CRB3: variants seen among roughly 807,000 people sequenced by gnomAD.
CRB3 encodes protein crumbs homolog 3.
Under a neutral mutation model 10.4 loss-of-function variants are expected in CRB3, and 4 were observed. That is an observed-to-expected ratio of 0.39 (90% confidence interval 0.19 to 0.88). CRB3 has a LOEUF of 0.88. Ranked by LOEUF, CRB3 falls within the 40% of genes least tolerant of loss-of-function variation. The pLI, the probability that CRB3 is intolerant of heterozygous loss-of-function variation, is 0.39. For synonymous variants in CRB3, 74 were observed against 73.4 expected, an observed-to-expected ratio of 1.01 and a Z score of -0.04; for missense variants, 154 against 160.2, an observed-to-expected ratio of 0.96 and a Z score of 0.21.
intron 3 of CRB3, 144 bp downstream of exon 3, chr19:6,465,762 C>CT: frequency 1.4e-6 from 1 of 736,984 alleles, no homozygotes. Flanking sequence ...TAGGAGAGAC[C>CT]TGAAGTCTTA....
In CRB3 at chr19:6,465,535, C is replaced by T. The variant is rs370291480; in HGVS notation, c.83-10C>T. 79 of 1,611,910 alleles carry T rather than the reference C, an allele frequency of 4.9e-5. No individual in the cohort carries two copies. Among genetic ancestry groups the T allele is most frequent in the South Asian group, 7.7e-5 (7 of 91,016 alleles). The stretch of plus-strand genomic sequence containing the variant: ...GAGACTGAGTTATTCTCTGCCTTCA[C>T]CCTCCACAGTACAGACCACTTCTGC... On this transcript the variant is annotated splice_polypyrimidine_tract_variant and intron_variant, in intron 2 of 3. Transcript: ENST00000600229.
rs1599369547 is a variant in CRB3, at chr19:6,464,943, C to G, written c.82+160C>G. 1 of 407,312 alleles carries G rather than the reference C, an allele frequency of 2.5e-6. No individual in the cohort carries two copies. The highest frequency in any genetic ancestry group is 3.6e-5 in the East Asian group (1 of 27,886). The allele number at this position is 407,312 out of a possible 1,614,324, so 25.2% of individuals were successfully genotyped here. ...GGGAGGGGTCTACAGGGTTAGGGCT[C>G]GGGGGGATTAAGATTTCTAGTTTCT... On this transcript the variant is annotated intron_variant, in intron 2 of 3. Transcript: ENST00000600229. The surrounding 1 kb of genome is among the most constrained non-coding windows in gnomAD (Gnocchi z 5.3).
Position 6,467,026 on chromosome 19 carries a change from C to T in CRB3, c.*354C>T. ...GCAGGGCTGCCTGCCCATCTAGGTC[C>T]CCTCTCCTGCATCTGTCTCCCTTCA... On this transcript the variant is annotated 3_prime_UTR_variant, in exon 4 of 4. Coordinates refer to ENST00000600229, the MANE Select transcript of CRB3 (RefSeq NM_139161.5). 1 of 1,613,178 alleles carries T rather than the reference C, an allele frequency of 6.2e-7. No individual in the cohort carries two copies. Among genetic ancestry groups the T allele is most frequent in the Non-Finnish European group, 8.5e-7 (1 of 1,179,278 alleles).
At chr19:6,465,047 A>C (rs1423000639) in intron 2 of CRB3, 2 of 337,350 alleles carry the variant, frequency 5.9e-6, no homozygotes, top group Non-Finnish European at 1.1e-5. Context: ...GGGGGCTCCT[A>C]AGTAGGACTT....
chr19:6,466,463 C>T lies in CRB3; in HGVS notation c.157-3C>T. On this transcript the variant is annotated splice_polypyrimidine_tract_variant and splice_region_variant and intron_variant, in intron 3 of 3. Coordinates refer to ENST00000600229, the MANE Select transcript of CRB3 (RefSeq NM_139161.5). The surrounding 1 kb of genome is among the most constrained non-coding windows in gnomAD (Gnocchi z 4.9). ...GTGATTCACACCTGTCCCCTCTCTG[C>T]AGCGTCCAGAAGCCATCACTGCTAT... The T allele has an allele frequency of 6.2e-7, 1 of 1,613,302 alleles. No homozygotes were observed. Among genetic ancestry groups the T allele is most frequent in the East Asian group, 2.2e-5 (1 of 44,864 alleles).
Position 6,467,078 on chromosome 19 carries a change from G to A in CRB3, c.*406G>A. ...TGCTGTGTGACCTTGGGGAAAGGCA[G>A]TGCCCTCTCTGGGCAGTCAGATCCA... is the stretch of plus-strand genomic sequence containing the variant. On this transcript the variant is annotated 3_prime_UTR_variant, in exon 4 of 4. Coordinates refer to ENST00000600229, the MANE Select transcript of CRB3 (RefSeq NM_139161.5). The A allele has an allele frequency of 6.6e-7, 1 of 1,525,354 alleles. No homozygotes were observed. The allele number at this position is 1,525,354 out of a possible 1,614,324, so 94.5% of individuals were successfully genotyped here.
Position 6,466,797 on chromosome 19 carries a change from G to A in CRB3, c.*125G>A, listed in dbSNP as rs2092797065. On this transcript the variant is annotated 3_prime_UTR_variant, in exon 4 of 4. Coordinates refer to ENST00000600229, the MANE Select transcript of CRB3 (RefSeq NM_139161.5). The surrounding 1 kb of genome is among the most constrained non-coding windows in gnomAD (Gnocchi z 4.9). ...GAGGACTTGTGGGGAGAGGCTGGGG[G>A]CACCCATGTGGTGGGCTCTGTGCAG... The A allele has an allele frequency of 6.4e-7, 1 of 1,551,626 alleles. No homozygotes were observed.
At position 6,464,706 on chromosome 19, in the gene CRB3, C is replaced by A; in HGVS notation, c.5C>A (p.Ala2Glu). The A allele has an allele frequency of 8.1e-7, 1 of 1,239,582 alleles. No individual in the cohort carries two copies. Among genetic ancestry groups the A allele is most frequent in the Non-Finnish European group, 1.0e-6 (1 of 991,130 alleles). The allele number at this position is 1,239,582 out of a possible 1,614,324, so 76.8% of individuals were successfully genotyped here. ...TGCCAACCCGCCACCCAGCCCATGG[C>A]GAACCCCGGGCTGGGGCTGCTTCTG... M[A>E]NPGLGLLLAL... Residue 2 changes from alanine to glutamate, a missense_variant, in exon 2 of 4, where the codon GCG (alanine) becomes GAG (glutamate). Coordinates refer to ENST00000600229, the MANE Select transcript of CRB3 (RefSeq NM_139161.5). This position sits in a 1 kb window ranked among gnomAD's most constrained non-coding sequence, Gnocchi z 5.3.
rs150241711 is a variant in CRB3, at chr19:6,466,715, G to A, written c.*43G>A. 1.0e-3 allele frequency: 1,651 copies of A among 1,583,648 alleles called. 12 individuals are homozygous for A. The highest frequency in any genetic ancestry group is 6.4e-4 in the Middle Eastern group (3 of 4,706). Reference sequence around the variant, plus strand: ...AGCCACCAACACTGCCCAGGACTGCGGGTTGCTGGCTTGTACACCGCAGCT... The same window carrying A: ...AGCCACCAACACTGCCCAGGACTGCAGGTTGCTGGCTTGTACACCGCAGCT... On this transcript the variant is annotated 3_prime_UTR_variant, in exon 4 of 4. Transcript: ENST00000600229. The surrounding 1 kb of genome is among the most constrained non-coding windows in gnomAD (Gnocchi z 4.9).
At chr19:6,465,490 G>A (rs369919679) in intron 2 of CRB3, 55 bp from the exon 3 acceptor site, 6 of 1,465,824 alleles carry the variant, frequency 4.1e-6, no homozygotes, top group South Asian at 1.1e-5. Flanking sequence ...GCAGATGGGC[G>A]GGGATGGGAG....
In CRB3 at chr19:6,464,642, G is replaced by T. The variant is rs920106914; in HGVS notation, c.-60G>T. The T allele has an allele frequency of 1.9e-6, 2 of 1,060,422 alleles. No individual in the cohort carries two copies. Among genetic ancestry groups the T allele is most frequent in the South Asian group, 4.8e-5 (1 of 20,734 alleles). 65.7% of individuals were successfully genotyped at this position (1,060,422 alleles called of 1,614,324 possible). A position where few individuals can be genotyped will look rare whatever the true frequency, so the allele number is the denominator to read the frequency against. On this transcript the variant is annotated 5_prime_UTR_variant, in exon 2 of 4. Transcript: ENST00000600229. The surrounding 1 kb of genome is among the most constrained non-coding windows in gnomAD (Gnocchi z 5.3). ...CGCAGGTGCCCCTGGCCGGAGATGC[G>T]GTAGGAGGGGCGAGCGCGAGAAGCC...
chr19:6,464,446 C>G lies in CRB3; in HGVS notation c.-95+96C>G. ...TCCCGTCCCCTTCCTTTCCCCAGCC[C>G]AGGAACGCGCTCCTGGGAGTTAATC... On this transcript the variant is annotated intron_variant, in intron 1 of 3. Transcript: ENST00000600229. This position sits in a 1 kb window ranked among gnomAD's most constrained non-coding sequence, Gnocchi z 5.3. The G allele has an allele frequency of 2.7e-6, 1 of 364,440 alleles. No homozygotes were observed. The highest frequency in any genetic ancestry group is 4.9e-6 in the Non-Finnish European group (1 of 204,550). The allele number at this position is 364,440 out of a possible 1,614,324, so 22.6% of individuals were successfully genotyped here. A position where few individuals can be genotyped will look rare whatever the true frequency, so the allele number is the denominator to read the frequency against.
rs1333699519 is a variant in CRB3 at position 6,464,634 on chromosome 19, G to A, written c.-68G>A. 1.9e-5 allele frequency: 19 copies of A among 1,005,230 alleles called. No individual in the cohort carries two copies. The highest frequency in any genetic ancestry group is 6.5e-5 in the East Asian group (2 of 30,706). 62.3% of individuals were successfully genotyped at this position (1,005,230 alleles called of 1,614,324 possible). On this transcript the variant is annotated 5_prime_UTR_variant, in exon 2 of 4. Transcript: ENST00000600229. The surrounding 1 kb of genome is among the most constrained non-coding windows in gnomAD (Gnocchi z 5.3). ...TGCCCCGTCGCAGGTGCCCCTGGCC[G>A]GAGATGCGGTAGGAGGGGCGAGCGC... is the stretch of plus-strand genomic sequence containing the variant.
rs905445420 is a variant in CRB3, at chr19:6,466,072, C to T, written c.157-394C>T. 6.6e-6 allele frequency among the ~76,000 whole-genome samples: 1 copy of T among 152,080 alleles called. No individual in the cohort carries two copies. The highest frequency in any genetic ancestry group is 2.4e-5 in the African/African-American group (1 of 41,420). On this transcript the variant is annotated intron_variant, in intron 3 of 3. Coordinates refer to ENST00000600229, the MANE Select transcript of CRB3 (RefSeq NM_139161.5). This position sits in a 1 kb window ranked among gnomAD's most constrained non-coding sequence, Gnocchi z 4.9. ...AAAATTAGCCAGGCGGGGTGGCACA[C>T]ACCTGTAATCCCAGCTACTTGGGAG...
intron 3 of CRB3, 76 bp downstream of exon 3, chr19:6,465,694 A>G: frequency 8.1e-7 from 1 of 1,241,426 alleles, no homozygotes; most frequent in Non-Finnish European, 1.2e-6. Flanking sequence ...TGTAGAGAGG[A>G]CTAGACACCC....
At position 6,464,824 on chromosome 19, in the gene CRB3, T is replaced by G; in HGVS notation, c.82+41T>G. On this transcript the variant is annotated intron_variant, in intron 2 of 3. Transcript: ENST00000600229. This position sits in a 1 kb window ranked among gnomAD's most constrained non-coding sequence, Gnocchi z 5.3. ...GAGCGCTGGGGGGGAGGGGTCTGGATTCCTGGATCTCTGCTGGGGACGTGG... is the reference window on the plus strand; with the variant it reads ...GAGCGCTGGGGGGGAGGGGTCTGGAGTCCTGGATCTCTGCTGGGGACGTGG... The G allele has an allele frequency of 1.7e-6, 2 of 1,145,462 alleles. No homozygotes were observed. Among genetic ancestry groups the G allele is most frequent in the Non-Finnish European group, 2.2e-6 (2 of 904,542 alleles). 71.0% of individuals were successfully genotyped at this position (1,145,462 alleles called of 1,614,324 possible). A position where few individuals can be genotyped will look rare whatever the true frequency, so the allele number is the denominator to read the frequency against.
rs551893863 is a variant in CRB3 at position 6,466,149 on chromosome 19, C to T, written c.157-317C>T. On this transcript the variant is annotated intron_variant, in intron 3 of 3. Transcript: ENST00000600229. The surrounding 1 kb of genome is among the most constrained non-coding windows in gnomAD (Gnocchi z 4.9). The stretch of plus-strand genomic sequence containing the variant: ...CCAGAAGGCGGAGGTTGCAGTGAGC[C>T]GAGATTGTGACACTGCACTCCAGCC... 1.8e-4 allele frequency among the ~76,000 whole-genome samples: 28 copies of T among 151,852 alleles called. No homozygotes were observed. Among genetic ancestry groups the T allele is most frequent in the Admixed American group, 1.1e-3 (17 of 15,250 alleles).
In CRB3 at chr19:6,466,008, G is replaced by A. The variant is rs144227833; in HGVS notation, c.156+390G>A. Among the ~76,000 whole-genome samples the A allele has an allele frequency of 6.6e-6, 1 of 152,054 alleles. No individual in the cohort carries two copies. Among genetic ancestry groups the A allele is most frequent in the African/African-American group, 2.4e-5 (1 of 41,386 alleles). Reference sequence around the variant, plus strand: ...GAGGTCAGGAGTTTGAAACCAGCACGGCCAACATGGTGAAACCCTGTCTCT... The same window carrying A: ...GAGGTCAGGAGTTTGAAACCAGCACAGCCAACATGGTGAAACCCTGTCTCT... On this transcript the variant is annotated intron_variant, in intron 3 of 3. Coordinates refer to ENST00000600229, the MANE Select transcript of CRB3 (RefSeq NM_139161.5). The surrounding 1 kb of genome is among the most constrained non-coding windows in gnomAD (Gnocchi z 4.9).
In CRB3 at chr19:6,466,676, C is replaced by G; in HGVS notation, c.*4C>G. On this transcript the variant is annotated 3_prime_UTR_variant, in exon 4 of 4. Transcript: ENST00000600229. The surrounding 1 kb of genome is among the most constrained non-coding windows in gnomAD (Gnocchi z 4.9). ...GCCGGAAGAGCGGCTCATCTGAACG[C>G]TGGGGCCTGCTGCAGCCACCAACAC... The G allele has an allele frequency of 6.3e-7, 1 of 1,597,862 alleles. No homozygotes were observed. The highest frequency in any genetic ancestry group is 8.5e-7 in the Non-Finnish European group (1 of 1,179,106).
Sources: gnomAD v4.1 joint callset for allele counts (sites outside exome capture counted in the v4.1 genomes callset) on GRCh38, gnomAD v4.1.1 for gene constraint, Gnocchi (gnomAD v3.1) non-coding constraint, MANE v1.5 for transcripts, NCBI Gene and HGNC (gene_info 2026-07-23, HGNC 2026-07-21) for gene names.